Variants in RFNG observed in about 807,000 individuals in gnomAD.
RFNG encodes beta-1,3-N-acetylglucosaminyltransferase radical fringe.
Under a neutral mutation model 29.6 loss-of-function variants are expected in RFNG, and 37 were observed. The ratio of observed to expected loss-of-function variants is 1.25; its 90% confidence interval spans 0.96 to 1.65. RFNG has a LOEUF of 1.65. Among genes scored for constraint, RFNG ranks in the 40% most tolerant of loss-of-function variants. The pLI is 0.00. For synonymous variants in RFNG, 276 were observed against 197.3 expected (o/e 1.40, Z -3.34); for missense variants, 546 against 457.0 (o/e 1.19, Z -1.78).
chr17:82,049,001 G>T (rs78233003), intron 7 of RFNG, 30 bp downstream of exon 7: 1 of 1,602,640 alleles, frequency 6.2e-7, no homozygotes, highest in Non-Finnish European at 8.5e-7. Flanking sequence ...CTGCGGGGCC[G>T]AGGGCCTGCC....
chr17:82,051,313 A>T lies in RFNG; in HGVS notation c.297T>A (p.Pro99=). 6.9e-7 allele frequency: 1 copy of T among 1,438,894 alleles called. No homozygotes were observed. Among genetic ancestry groups the T allele is most frequent in the South Asian group, 1.7e-5 (1 of 60,032 alleles). 89.1% of individuals were successfully genotyped at this position (1,438,894 alleles called of 1,614,324 possible). Residue 99 remains proline, a synonymous_variant, in exon 2 of 8, where the codon CCT becomes CCA. Transcript: ENST00000310496. The surrounding 1 kb of genome is among the most constrained non-coding windows in gnomAD (Gnocchi z 4.1). The part of the protein sequence containing the change: ...QTFIFTDGDD[P]ELELQGGDRV... ...ACTCACCGCCCTGGAGCTCGAGCTC[A>T]GGGTCGTCCCCGTCGGTGAAGATAA...
At chr17:82,049,160 C>T in intron 6 of RFNG, 44 bp from the exon 7 acceptor site, 1 of 1,535,552 alleles carries the variant, frequency 6.5e-7, no homozygotes, top group Non-Finnish European at 8.9e-7. Flanking sequence ...CTGGTCTGGT[C>T]TCGGGCCACG....
chr17:82,051,343 C>G lies in RFNG; in HGVS notation c.268-1G>C. On this transcript the variant is annotated splice_acceptor_variant, in intron 1 of 7. Coordinates refer to ENST00000310496, the MANE Select transcript of RFNG (RefSeq NM_002917.2). LOFTEE classifies it high-confidence loss of function. This position sits in a 1 kb window ranked among gnomAD's most constrained non-coding sequence, Gnocchi z 4.1. ...CGTCCCCGTCGGTGAAGATAAACGTCTGGGGGAGAAACAATCTATGAGGCT... is the reference window on the plus strand; with the variant it reads ...CGTCCCCGTCGGTGAAGATAAACGTGTGGGGGAGAAACAATCTATGAGGCT... 6.8e-7 allele frequency: 1 copy of G among 1,467,642 alleles called. No individual in the cohort carries two copies. The highest frequency in any genetic ancestry group is 8.9e-7 in the Non-Finnish European group (1 of 1,119,472). The allele number at this position is 1,467,642 out of a possible 1,614,324, so 90.9% of individuals were successfully genotyped here.
In RFNG at chr17:82,051,057, G is replaced by A. The variant is rs1223923523; in HGVS notation, c.316+237C>T. On this transcript the variant is annotated intron_variant, in intron 2 of 7. Coordinates refer to ENST00000310496, the MANE Select transcript of RFNG (RefSeq NM_002917.2). This position sits in a 1 kb window ranked among gnomAD's most constrained non-coding sequence, Gnocchi z 4.1. ...CCCTGCTGGCGCTTCTTCAGGGGAC[G>A]TGGCACTAGCCCCACGCCCCGGGAA... The A allele has an allele frequency of 2.2e-6, 3 of 1,385,832 alleles. No individual in the cohort carries two copies. Among genetic ancestry groups the A allele is most frequent in the African/African-American group, 2.9e-5 (2 of 68,186 alleles). 85.8% of individuals were successfully genotyped at this position (1,385,832 alleles called of 1,614,324 possible).
At chr17:82,050,849 C>T (rs1217049660) in intron 2 of RFNG, 85 bp from the exon 3 acceptor site, 4 of 1,482,742 alleles carry the variant, frequency 2.7e-6, no homozygotes, top group Non-Finnish European at 2.8e-6. Flanking sequence ...CCCCAAGGGC[C>T]AGGGCACAAC....
At position 82,049,768 on chromosome 17, in the gene RFNG, C is replaced by G; in HGVS notation, c.737G>C (p.Gly246Ala). ...GTGCAGCAGGCGGGCGCCCAGGAGCCCCTCCACGATGTAGCCAACTGTGCA... is the reference window on the plus strand; with the variant it reads ...GTGCAGCAGGCGGGCGCCCAGGAGCGCCTCCACGATGTAGCCAACTGTGCA... The part of the protein sequence containing the change: ...DDCTVGYIVE[G>A]LLGARLLHSP... The change falls in exon 6 of 8, where the codon GGG becomes GCG. Residue 246 changes from glycine to alanine, a missense_variant. Gly to Ala is a moderately conservative substitution (Grantham distance 60, BLOSUM62 0). Transcript: ENST00000310496. The G allele has an allele frequency of 6.6e-7, 1 of 1,525,348 alleles. No homozygotes were observed. Among genetic ancestry groups the G allele is most frequent in the Non-Finnish European group, 8.8e-7 (1 of 1,139,802 alleles). The allele number at this position is 1,525,348 out of a possible 1,614,324, so 94.5% of individuals were successfully genotyped here. A position where few individuals can be genotyped will look rare whatever the true frequency, so the allele number is the denominator to read the frequency against.
Position 82,049,850 on chromosome 17 carries a change from G to A in RFNG, c.663-8C>T, listed in dbSNP as rs369045117. 3.7e-6 allele frequency: 6 copies of A among 1,605,018 alleles called. No homozygotes were observed. In the African/African-American group the frequency reaches 6.7e-5, roughly 18 times the overall value. On this transcript the variant is annotated splice_region_variant and splice_polypyrimidine_tract_variant and intron_variant, in intron 5 of 7. Coordinates refer to ENST00000310496, the MANE Select transcript of RFNG (RefSeq NM_002917.2). ...CTCATGAAGCTGCCCAGGCTGGGGG[G>A]AGGCCGGTCAGCACCTTTCAGGTCT...
Position 82,050,415 on chromosome 17 carries a change from T to G in RFNG, c.560A>C (p.Gln187Pro). ...TCCGACACTCACAGTTCTGCCACCC[T>G]GGACCCTCTCGGTGGCCTCAATGGG... ...DHPIEATERVQGGRTVTTVKF... is the reference protein window; with the variant it reads ...DHPIEATERVPGGRTVTTVKF... Residue 187 changes from glutamine to proline, a missense_variant, in exon 4 of 8, where the codon CAG (glutamine) becomes CCG (proline). Transcript: ENST00000310496. 3 of 1,591,532 alleles carry G rather than the reference T, an allele frequency of 1.9e-6. No homozygotes were observed. The highest frequency in any genetic ancestry group is 2.6e-6 in the Non-Finnish European group (3 of 1,172,022).
At position 82,051,702 on chromosome 17, in the gene RFNG, A is replaced by G. The variant is rs988937753; in HGVS notation, c.65T>C (p.Leu22Pro). The G allele has an allele frequency of 1.8e-5, 18 of 1,019,486 alleles. No homozygotes were observed. The highest frequency in any genetic ancestry group is 2.0e-5 in the Non-Finnish European group (17 of 854,752). The allele number at this position is 1,019,486 out of a possible 1,614,324, so 63.2% of individuals were successfully genotyped here. The change falls in exon 1 of 8, where the codon CTG (leucine) becomes CCG (proline). Residue 22 changes from leucine to proline, a missense_variant. Physicochemically the swap from Leu to Pro is moderately conservative, Grantham distance 98 (BLOSUM62 -3). Coordinates refer to ENST00000310496, the MANE Select transcript of RFNG (RefSeq NM_002917.2). The surrounding 1 kb of genome is among the most constrained non-coding windows in gnomAD (Gnocchi z 4.1). Reference sequence around the variant, plus strand: ...GGGCAGCGGCAGCGGCAGTAACAGCAGCGCGGCCAGGGCCGCGGCCAGCGC... The same window carrying G: ...GGGCAGCGGCAGCGGCAGTAACAGCGGCGCGGCCAGGGCCGCGGCCAGCGC... ...CLALAAALAA[L>P]LLLPLPLPRA...
intron 6 of RFNG, 90 bp downstream of exon 6, chr17:82,049,587 C>T (rs1178174880): frequency 7.1e-7 from 1 of 1,411,630 alleles, no homozygotes; most frequent in East Asian, 2.5e-5. Context: ...GCCTGCTCAG[C>T]CGGGCATCGG....
rs748271558 is a variant in RFNG, at chr17:82,049,596, G to A, written c.828+81C>T. ...CCACCTGCCTGCTCAGCCGGGCATCGGGCCGGGGCAGTGGGGCCCCTGGGG... is the reference window on the plus strand; with the variant it reads ...CCACCTGCCTGCTCAGCCGGGCATCAGGCCGGGGCAGTGGGGCCCCTGGGG... On this transcript the variant is annotated intron_variant, in intron 6 of 7. Transcript: ENST00000310496. 5.5e-5 allele frequency: 79 copies of A among 1,434,564 alleles called. 1 individual carries two copies. The highest frequency in any genetic ancestry group is 3.6e-4 in the Middle Eastern group (2 of 5,622). The allele number at this position is 1,434,564 out of a possible 1,614,324, so 88.9% of individuals were successfully genotyped here.
chr17:82,048,875 G>A lies in RFNG; in HGVS notation c.915-68C>T, dbSNP rs1045925774. The A allele has an allele frequency of 1.2e-4, 176 of 1,494,612 alleles. 1 individual carries two copies. Among genetic ancestry groups the A allele is most frequent in the South Asian group, 9.9e-4 (88 of 88,734 alleles). The allele number at this position is 1,494,612 out of a possible 1,614,324, so 92.6% of individuals were successfully genotyped here. A position where few individuals can be genotyped will look rare whatever the true frequency, so the allele number is the denominator to read the frequency against. On this transcript the variant is annotated intron_variant, in intron 7 of 7. Transcript: ENST00000310496. ...AGAAGCGGGGGCCAGGGCCGTGGGC[G>A]GCGGGAGAACCTGGGGTCAGGGCCG... is the stretch of plus-strand genomic sequence containing the variant.
chr17:82,050,828 GC>G, intron 2 of RFNG, 64 bp from the exon 3 acceptor site: 1 of 1,529,280 alleles, frequency 6.5e-7, no homozygotes, highest in Non-Finnish European at 8.9e-7. Context: ...TAAGGCCTGT[GC>G]CCCACCTGCC....
At position 82,048,693 on chromosome 17, in the gene RFNG, G is replaced by C. The variant is rs200843545; in HGVS notation, c.*33C>G. On this transcript the variant is annotated 3_prime_UTR_variant, in exon 8 of 8. Coordinates refer to ENST00000310496, the MANE Select transcript of RFNG (RefSeq NM_002917.2). ...GCTCTGGTTCCCCGCGCCTGGGACA[G>C]AGCCAGGCAGCCCTGGGTCGGGGTG... is the stretch of plus-strand genomic sequence containing the variant. The C allele has an allele frequency of 1.8e-5, 28 of 1,588,756 alleles. No individual in the cohort carries two copies. The Admixed American group carries it at 3.2e-4, about 18-fold the overall frequency.
intron 2 of RFNG, 187 bp from the exon 3 acceptor site, chr17:82,050,951 G>A (rs1193118739): frequency 2.8e-6 from 4 of 1,423,866 alleles, no homozygotes; most frequent in Non-Finnish European, 3.7e-6. Flanking sequence ...CGAGGCTGAA[G>A]CAGGCGGCCA....
Position 82,051,251 on chromosome 17 carries a change from G to T in RFNG, c.316+43C>A. 7.5e-7 allele frequency: 1 copy of T among 1,340,108 alleles called. No individual in the cohort carries two copies. Among genetic ancestry groups the T allele is most frequent in the East Asian group, 2.9e-5 (1 of 34,328 alleles). 83.0% of individuals were successfully genotyped at this position (1,340,108 alleles called of 1,614,324 possible). On this transcript the variant is annotated intron_variant, in intron 2 of 7. Transcript: ENST00000310496. The surrounding 1 kb of genome is among the most constrained non-coding windows in gnomAD (Gnocchi z 4.1). ...CGTGGCTTCGGAGCGAGAAAGGCTC[G>T]GGGGGCAGATCCCGCGGGCGCCGGG...
Position 82,051,424 on chromosome 17 carries a change from C to G in RFNG, c.267+76G>C. 7.2e-7 allele frequency: 1 copy of G among 1,384,186 alleles called. No individual in the cohort carries two copies. The highest frequency in any genetic ancestry group is 1.8e-5 in the South Asian group (1 of 55,770). 85.7% of individuals were successfully genotyped at this position (1,384,186 alleles called of 1,614,324 possible). A position where few individuals can be genotyped will look rare whatever the true frequency, so the allele number is the denominator to read the frequency against. On this transcript the variant is annotated intron_variant, in intron 1 of 7. Transcript: ENST00000310496. This position sits in a 1 kb window ranked among gnomAD's most constrained non-coding sequence, Gnocchi z 4.1. ...CCGCCCCGCGCGGAGCCTCCGGGGG[C>G]CTGGGCCGGGCCTAGACCCTGGGAG...
rs9915228 is a variant in RFNG, at chr17:82,050,011, A to G, written c.574-5T>C. 0.65 allele frequency: 1,039,681 copies of G among 1,602,554 alleles called. 342,033 individuals are homozygous for G. The highest frequency in any genetic ancestry group is 0.67 in the Non-Finnish European group (789,753 of 1,173,962). On this transcript the variant is annotated splice_region_variant and splice_polypyrimidine_tract_variant and intron_variant, in intron 4 of 7. Coordinates refer to ENST00000310496, the MANE Select transcript of RFNG (RefSeq NM_002917.2). ...CCAGAACTTGACCGTGGTCACCTGAAGATGGGGTGGTGGTCAGAGCTGCCC... is the reference window on the plus strand; with the variant it reads ...CCAGAACTTGACCGTGGTCACCTGAGGATGGGGTGGTGGTCAGAGCTGCCC...
intron 2 of RFNG, 154 bp from the exon 3 acceptor site, chr17:82,050,918 C>T: frequency 7.1e-7 from 1 of 1,402,688 alleles, no homozygotes; most frequent in South Asian, 1.5e-5. Context: ...CTAGCCCTCA[C>T]GCGCTGACCC....
Sources: gnomAD v4.1 joint callset for allele counts on GRCh38, gnomAD v4.1.1 for gene constraint, Gnocchi (gnomAD v3.1) non-coding constraint, MANE v1.5 for transcripts, NCBI Gene and HGNC (gene_info 2026-07-23, HGNC 2026-07-21) for gene names.